NMNAT2: variants seen among roughly 807,000 people sequenced by gnomAD.
NMNAT2 encodes nicotinamide/nicotinic acid mononucleotide adenylyltransferase 2.
Under a neutral mutation model 41.6 loss-of-function variants are expected in NMNAT2, and 11 were observed. That is an observed-to-expected ratio of 0.26 (90% CI 0.17 to 0.44). NMNAT2 has a LOEUF of 0.44. Ranked by LOEUF, NMNAT2 falls within the 20% of genes least tolerant of loss-of-function variation. The pLI, the probability that NMNAT2 is intolerant of heterozygous loss-of-function variation, is 1.00. For missense variants in NMNAT2, 288 were observed against 407.7 expected (o/e 0.71, Z 2.53); for synonymous variants, 148 against 151.2 (o/e 0.98, Z 0.16).
At chr1:183,343,583 G>T (rs1400496079) in intron 1 of NMNAT2, among the ~76,000 whole-genome samples, 2 of 152,170 alleles carry the variant, frequency 1.3e-5, no homozygotes, top group Non-Finnish European at 2.9e-5. Flanking sequence ...AACACCAAGA[G>T]CTTCATAGAT....
intron 1 of NMNAT2, among the ~76,000 whole-genome samples, chr1:183,414,949 A>T (rs1025822774): frequency 6.6e-6 from 1 of 152,104 alleles, no homozygotes; most frequent in Non-Finnish European, 1.5e-5. Flanking sequence ...AAAAAAAATT[A>T]TTACAAATTT....
intron 1 of NMNAT2, among the ~76,000 whole-genome samples, chr1:183,389,740 GAAAGAAAGAAA>G (rs1557897448): frequency 1.4e-3 from 9 of 6,306 alleles, no homozygotes; most frequent in Non-Finnish European, 2.2e-3. Context: ...TGTCAAAAAA[GAAAGAAAGAAA>G]GAAAGAAAGA....
chr1:183,320,131 A>G (rs146144218), intron 1 of NMNAT2, among the ~76,000 whole-genome samples: 10 of 152,364 alleles, frequency 6.6e-5, no homozygotes, highest in Non-Finnish European at 1.3e-4. Flanking sequence ...ATGAGATGAG[A>G]GGAGAAACAA....
chr1:183,364,956 G>A (rs1450582487), intron 1 of NMNAT2, among the ~76,000 whole-genome samples: 2 of 152,066 alleles, frequency 1.3e-5, no homozygotes, highest in Admixed American at 6.6e-5. Flanking sequence ...TATCTCCCAT[G>A]TCCCCCAGAA....
Position 183,388,208 on chromosome 1 carries a change from G to A in NMNAT2, c.85+29975C>T, listed in dbSNP as rs150669339. Among the ~76,000 whole-genome samples, 450 of 152,322 alleles carry A rather than the reference G, an allele frequency of 3.0e-3. 5 individuals carry two copies. The highest frequency in any genetic ancestry group is 9.8e-3 in the African/African-American group (409 of 41,564). On this transcript the variant is annotated intron_variant, in intron 1 of 10. Transcript: ENST00000287713. ...AACCATTAGGCTCTCCTACCTTAGC[G>A]AGGACTACTAGAGAAAAGATGAGCC... is the stretch of plus-strand genomic sequence containing the variant.
chr1:183,311,852 T>A (rs1367211288), intron 1 of NMNAT2, among the ~76,000 whole-genome samples: 1 of 151,874 alleles, frequency 6.6e-6, no homozygotes, highest in Non-Finnish European at 1.5e-5. Flanking sequence ...CCACATGTTG[T>A]GGGAGGGACT....
chr1:183,398,595 C>T (rs1648721963), intron 1 of NMNAT2, among the ~76,000 whole-genome samples: 1 of 152,172 alleles, frequency 6.6e-6, no homozygotes, highest in Admixed American at 6.5e-5. Context: ...CACCCCAAAT[C>T]AACAGAATAT....
At chr1:183,311,799 A>ACAT (rs1309281594) in intron 1 of NMNAT2, among the ~76,000 whole-genome samples, 3 of 151,608 alleles carry the variant, frequency 2.0e-5, no homozygotes, top group Admixed American at 6.6e-5. Context: ...AAACCATGTG[A>ACAT]CATGGCTTGG....
chr1:183,391,708 C>T (rs1375864053), intron 1 of NMNAT2, among the ~76,000 whole-genome samples: 1 of 152,182 alleles, frequency 6.6e-6, no homozygotes, highest in African/African-American at 2.4e-5. Flanking sequence ...CCCTTCATTC[C>T]AGCAAATCTG....
intron 8 of NMNAT2, among the ~76,000 whole-genome samples, chr1:183,272,103 G>A (rs541172106): frequency 2.8e-4 from 43 of 152,234 alleles, no homozygotes; most frequent in African/African-American, 1.0e-3. Flanking sequence ...CAAAGCAGCT[G>A]GCAGCATCGG....
chr1:183,320,165 G>C (rs1662329723), intron 1 of NMNAT2, among the ~76,000 whole-genome samples: 1 of 152,258 alleles, frequency 6.6e-6, no homozygotes, highest in Admixed American at 6.5e-5. Flanking sequence ...TGGGCTTAGA[G>C]AGAATTGTTA....
intron 1 of NMNAT2, among the ~76,000 whole-genome samples, chr1:183,294,308 C>A (rs1661623786): frequency 1.3e-5 from 2 of 152,180 alleles, no homozygotes; most frequent in South Asian, 4.1e-4. Context: ...ACCCAGAAGA[C>A]CACCATCTTA....
At chr1:183,308,926 G>A (rs551524847) in intron 1 of NMNAT2, among the ~76,000 whole-genome samples, 3 of 152,348 alleles carry the variant, frequency 2.0e-5, no homozygotes, top group Non-Finnish European at 2.9e-5. Context: ...GCAGCGCTGG[G>A]AAAACAGGCT....
chr1:183,275,155 C>A (rs1661090990), intron 8 of NMNAT2, among the ~76,000 whole-genome samples: 1 of 152,114 alleles, frequency 6.6e-6, no homozygotes, highest in Non-Finnish European at 1.5e-5. Flanking sequence ...TCCTCATGTT[C>A]GGGGTGTGCA....
chr1:183,276,481 C>A (rs1661126496), intron 8 of NMNAT2, among the ~76,000 whole-genome samples: 1 of 152,142 alleles, frequency 6.6e-6, no homozygotes, highest in Non-Finnish European at 1.5e-5. Flanking sequence ...AGCAATCTAA[C>A]TGGGAGGAGA....
intron 1 of NMNAT2, among the ~76,000 whole-genome samples, chr1:183,347,941 G>T (rs1414053581): frequency 6.6e-6 from 1 of 152,012 alleles, no homozygotes; most frequent in Non-Finnish European, 1.5e-5. Flanking sequence ...GCGCTGGGAG[G>T]GTTGAACAAA....
In NMNAT2 at chr1:183,248,819, G is replaced by A. The variant is rs994084475; in HGVS notation, c.*3822C>T. 6.6e-6 allele frequency: 1 copy of A among 151,346 alleles called. No homozygotes were observed. The highest frequency in any genetic ancestry group is 1.5e-5 in the Non-Finnish European group (1 of 67,920). The allele number at this position is 151,346 out of a possible 1,614,324, so 9.4% of individuals were successfully genotyped here. Reference sequence around the variant, plus strand: ...GATCCTGAGCTTTTCATATTCTACCGTTTTATTTTTGCATTACTGTTTGGA... The same window carrying A: ...GATCCTGAGCTTTTCATATTCTACCATTTTATTTTTGCATTACTGTTTGGA... On this transcript the variant is annotated 3_prime_UTR_variant, in exon 11 of 11. Coordinates refer to ENST00000287713, the MANE Select transcript of NMNAT2 (RefSeq NM_015039.4).
intron 8 of NMNAT2, among the ~76,000 whole-genome samples, chr1:183,273,650 G>A (rs1480194651): frequency 1.3e-5 from 2 of 152,132 alleles, no homozygotes; most frequent in African/African-American, 4.8e-5. Context: ...AAGAGCAGTG[G>A]ACTAATTCAC....
chr1:183,412,405 A>G (rs1282797085), intron 1 of NMNAT2, among the ~76,000 whole-genome samples: 1 of 152,078 alleles, frequency 6.6e-6, no homozygotes, highest in Non-Finnish European at 1.5e-5. Context: ...TTGTATTTTT[A>G]GTAGAGATGG....
Sources: allele counts gnomAD v4.1 joint callset (sites outside exome capture counted in the v4.1 genomes callset), GRCh38; gene constraint gnomAD v4.1.1; transcripts MANE v1.5; gene names NCBI Gene and HGNC (gene_info 2026-07-23, HGNC 2026-07-21).